The following DCC variants were observed in gnomAD, a reference collection of about 807,000 sequenced individuals.
The protein encoded by DCC is DCC netrin 1 receptor, also known as netrin receptor DCC.
DCC carries 58 observed loss-of-function variants against 172.5 expected under a neutral mutation model. The ratio of observed to expected loss-of-function variants is 0.34; its 90% CI spans 0.27 to 0.42. The LOEUF is 0.42. Ranked by LOEUF, DCC falls within the 10% of genes least tolerant of loss-of-function variation. The probability of loss-of-function intolerance (pLI) is 1.00; values close to 1 mark genes in which losing one functional copy is unlikely to be tolerated. For synonymous variants in DCC, 709 were observed against 644.5 expected (o/e 1.10, Z -1.52); for missense variants, 1,740 against 1,791.0 (o/e 0.97, Z 0.51).
intron 16 of DCC, 125 bp downstream of exon 16, chr18:53,386,263 C>T (rs1231337217): frequency 2.8e-6 from 2 of 709,696 alleles, no homozygotes; most frequent in Non-Finnish European, 5.0e-6. Flanking sequence ...TGATAATCCT[C>T]AGAGAATAAT....
intron 12 of DCC, among the ~76,000 whole-genome samples, chr18:53,232,948 C>CTTTT (rs1568381171): frequency 3.8e-4 from 45 of 117,290 alleles, no homozygotes; most frequent in South Asian, 9.1e-4. Context: ...TTTTTTTTTC[C>CTTTT]CCAGGTATTA....
chr18:52,820,759 G>A (rs867521697), intron 2 of DCC, among the ~76,000 whole-genome samples: 1 of 152,102 alleles, frequency 6.6e-6, no homozygotes, highest in Non-Finnish European at 1.5e-5. Context: ...CTTAGCTCAG[G>A]CACACAGAAA....
intron 5 of DCC, among the ~76,000 whole-genome samples, chr18:53,052,450 A>G (rs185122166): frequency 8.6e-5 from 13 of 151,208 alleles, no homozygotes; most frequent in Admixed American, 7.2e-4. Context: ...TTATGTTTCT[A>G]TATTTACTAT....
intron 2 of DCC, among the ~76,000 whole-genome samples, chr18:52,899,989 C>T (rs1021702244): frequency 5.9e-5 from 9 of 152,148 alleles, no homozygotes; most frequent in African/African-American, 9.7e-5. Flanking sequence ...AACATAGACT[C>T]GGCTCTGATT....
intron 8 of DCC, among the ~76,000 whole-genome samples, chr18:53,170,003 A>C (rs1343697464): frequency 6.6e-6 from 1 of 152,150 alleles, no homozygotes; most frequent in Non-Finnish European, 1.5e-5. Context: ...ATGGTTTGCT[A>C]TATTTTGTTT....
intron 9 of DCC, among the ~76,000 whole-genome samples, chr18:53,196,557 T>G (rs971567987): frequency 6.6e-6 from 1 of 152,122 alleles, no homozygotes; most frequent in East Asian, 1.9e-4. Flanking sequence ...AAGATTATTT[T>G]CTTCACAGGG....
intron 5 of DCC, among the ~76,000 whole-genome samples, chr18:53,054,540 A>G (rs2042377853): frequency 1.3e-5 from 2 of 152,128 alleles, no homozygotes; most frequent in African/African-American, 4.8e-5. Context: ...CATTATTATT[A>G]TCACAGGCTT....
intron 2 of DCC, among the ~76,000 whole-genome samples, chr18:52,850,316 T>C (rs891627599): frequency 3.9e-5 from 6 of 152,168 alleles, no homozygotes; most frequent in African/African-American, 1.2e-4. Context: ...AGCAGCATAA[T>C]GAGTTCAGCA....
chr18:52,503,566 C>T (rs942066917), intron 1 of DCC, among the ~76,000 whole-genome samples: 26 of 152,208 alleles, frequency 1.7e-4, no homozygotes, highest in South Asian at 6.2e-4. Context: ...TTGTGTTCTC[C>T]GTAGTTCTGG....
intron 5 of DCC, among the ~76,000 whole-genome samples, chr18:52,965,657 C>G (rs2040917416): frequency 6.6e-6 from 1 of 152,024 alleles, no homozygotes; most frequent in Admixed American, 6.6e-5. Context: ...GAATTTAAAG[C>G]TTAATTTTTT....
chr18:53,361,259 C>T (rs1400545913), intron 15 of DCC, among the ~76,000 whole-genome samples: 5 of 152,126 alleles, frequency 3.3e-5, no homozygotes. Context: ...GACTTCAGAA[C>T]TGTGAAGAAA....
In DCC at chr18:52,824,967, C is replaced by CATATATATATATATATATAT. The variant is rs148347043; in HGVS notation, c.412+72609_412+72610insATATATATATATATATATAT. 3.9e-3 allele frequency among the ~76,000 whole-genome samples: 576 copies of CATATATATATATATATATAT among 148,250 alleles called. 6 individuals are homozygous for CATATATATATATATATATAT. The highest frequency in any genetic ancestry group is 0.023 in the South Asian group (104 of 4,448). ...CCTGGGCAACAGAGCGAGACTCCCT[C>CATATATATATATATATATAT]ATATATATATATATATGTCTTGACT... On this transcript the variant is annotated intron_variant, in intron 2 of 28. Coordinates refer to ENST00000442544, the MANE Select transcript of DCC (RefSeq NM_005215.4).
chr18:53,154,784 C>A (rs2054701765), intron 7 of DCC, among the ~76,000 whole-genome samples: 1 of 152,066 alleles, frequency 6.6e-6, no homozygotes, highest in South Asian at 2.1e-4. Flanking sequence ...TGAATATCAC[C>A]CAGGAGGAGA....
At chr18:53,414,962 T>C (rs1209380192) in intron 20 of DCC, among the ~76,000 whole-genome samples, 1 of 152,226 alleles carries the variant, frequency 6.6e-6, no homozygotes, top group African/African-American at 2.4e-5. Flanking sequence ...GAAATTGTAA[T>C]TGATTTCTGA....
chr18:52,639,942 G>A (rs2034857478), intron 1 of DCC, among the ~76,000 whole-genome samples: 1 of 152,118 alleles, frequency 6.6e-6, no homozygotes, highest in Non-Finnish European at 1.5e-5. Context: ...TATCCTTGAT[G>A]CACATAGATG....
chr18:53,052,240 T>A (rs2042343662), intron 5 of DCC, among the ~76,000 whole-genome samples: 1 of 152,144 alleles, frequency 6.6e-6, no homozygotes, highest in Non-Finnish European at 1.5e-5. Flanking sequence ...TCCTCCAGTC[T>A]TTGACCTCTA....
intron 26 of DCC, among the ~76,000 whole-genome samples, chr18:53,498,561 G>GAAAAAA (rs10686831): frequency 1.4e-5 from 2 of 139,794 alleles, no homozygotes; most frequent in Admixed American, 1.4e-4. Flanking sequence ...GTGTTCTCTG[G>GAAAAAA]AAAAAAAAAA....
At chr18:53,372,267 C>T (rs927583177) in intron 15 of DCC, among the ~76,000 whole-genome samples, 1 of 151,966 alleles carries the variant, frequency 6.6e-6, no homozygotes, top group Non-Finnish European at 1.5e-5. Context: ...ACATATACAT[C>T]GTGGAATACT....
intron 1 of DCC, among the ~76,000 whole-genome samples, chr18:52,579,457 C>CT (rs891306210): frequency 3.3e-5 from 5 of 152,062 alleles, no homozygotes; most frequent in Non-Finnish European, 5.9e-5. Context: ...CTAGAACAGT[C>CT]TTTTTTTTGA....
Sources: allele counts gnomAD v4.1 joint callset (sites outside exome capture counted in the v4.1 genomes callset), GRCh38; gene constraint gnomAD v4.1.1; transcripts MANE v1.5; gene names NCBI Gene and HGNC (gene_info 2026-07-23, HGNC 2026-07-21).